Variants in POU2AF1 observed in about 807,000 individuals in gnomAD.
POU2AF1 encodes POU domain class 2-associating factor 1.
POU2AF1 carries 12 observed loss-of-function variants against 26.3 expected under a neutral mutation model. The ratio of observed to expected loss-of-function variants is 0.46; its 90% CI spans 0.29 to 0.74. The LOEUF (loss-of-function observed/expected upper bound fraction) is 0.74. POU2AF1 is among the 30% of genes least tolerant of loss of function. POU2AF1 has a pLI of 0.09. For synonymous variants in POU2AF1, 175 were observed against 148.0 expected (o/e 1.18, Z -1.32); for missense variants, 297 against 334.5 (o/e 0.89, Z 0.87).
Position 111,374,116 on chromosome 11 carries a change from ATTT to A in POU2AF1, c.16+5043_16+5045del, listed in dbSNP as rs60260380. On this transcript the variant is annotated intron_variant, in intron 1 of 4. Transcript: ENST00000393067. ...TAATGAACAGCTGTAGGCAAACTTG[ATTT>A]TTTTTTTTTTTTTTTTTGGTTCCTC... is the stretch of plus-strand genomic sequence containing the variant. 6.7e-3 allele frequency among the ~76,000 whole-genome samples: 733 copies of A among 109,650 alleles called. 11 individuals carry two copies. Among genetic ancestry groups the A allele is most frequent in the African/African-American group, 0.022 (665 of 30,676 alleles). The allele number at this position is 109,650 out of a possible 152,430, so 71.9% of individuals were successfully genotyped here. A position where few individuals can be genotyped will look rare whatever the true frequency, so the allele number is the denominator to read the frequency against.
At chr11:111,361,120 T>G (rs1860999384) in intron 1 of POU2AF1, among the ~76,000 whole-genome samples, 1 of 152,170 alleles carries the variant, frequency 6.6e-6, no homozygotes, top group Admixed American at 6.5e-5. Context: ...ATTCATTCAT[T>G]TTTTCAAATA....
At chr11:111,360,399 C>G (rs1860982974) in intron 1 of POU2AF1, among the ~76,000 whole-genome samples, 1 of 152,196 alleles carries the variant, frequency 6.6e-6, no homozygotes, top group African/African-American at 2.4e-5. Flanking sequence ...ATGCCTGACT[C>G]GGCACCAGAC....
intron 4 of POU2AF1, among the ~76,000 whole-genome samples, chr11:111,355,181 A>T (rs570480644): frequency 6.6e-6 from 1 of 152,328 alleles, no homozygotes; most frequent in Non-Finnish European, 1.5e-5. Flanking sequence ...CTGCTTTGTC[A>T]GCAAACTTGG....
intron 1 of POU2AF1, among the ~76,000 whole-genome samples, chr11:111,372,341 C>G (rs1290683294): frequency 6.6e-6 from 1 of 152,152 alleles, no homozygotes; most frequent in Non-Finnish European, 1.5e-5. Context: ...ACCTTGTTTT[C>G]TTCAACAGGT....
intron 1 of POU2AF1, among the ~76,000 whole-genome samples, chr11:111,378,573 C>A (rs899485363): frequency 2.0e-5 from 3 of 152,158 alleles, no homozygotes; most frequent in Admixed American, 1.3e-4. Context: ...GATGGACAAG[C>A]CTTGTCACAG....
chr11:111,368,129 A>C (rs1861139777), intron 1 of POU2AF1, among the ~76,000 whole-genome samples: 1 of 152,236 alleles, frequency 6.6e-6, no homozygotes, highest in Non-Finnish European at 1.5e-5. Flanking sequence ...TTAGAATTAC[A>C]AACTGTGACA....
chr11:111,377,449 T>G (rs1301406928), intron 1 of POU2AF1, among the ~76,000 whole-genome samples: 1 of 151,958 alleles, frequency 6.6e-6, no homozygotes, highest in Non-Finnish European at 1.5e-5. Flanking sequence ...AAAAATGTAC[T>G]ACAGAACCAA....
In POU2AF1 at chr11:111,358,656, ACT is replaced by A. The variant is rs561759023; in HGVS notation, c.147+130_147+131del. ...CTCTCACACTATCACACTCTCACAC[ACT>A]CTATCACACACAAACACATACACAC... On this transcript the variant is annotated intron_variant, in intron 2 of 4. Coordinates refer to ENST00000393067, the MANE Select transcript of POU2AF1 (RefSeq NM_006235.3). The A allele has an allele frequency of 4.2e-3, 4,796 of 1,132,218 alleles. 27 individuals are homozygous for A. The highest frequency in any genetic ancestry group is 8.1e-3 in the Admixed American group (397 of 48,792). The allele number at this position is 1,132,218 out of a possible 1,614,324, so 70.1% of individuals were successfully genotyped here.
rs4283016 is a variant in POU2AF1 at position 111,377,915 on chromosome 11, A to G, written c.16+1247T>C. On this transcript the variant is annotated intron_variant, in intron 1 of 4. Transcript: ENST00000393067. ...TTCCTAGTTATCTTGGAAGGAGTCC[A>G]TAACTCTCAAACCCAAATTAAAGCT... 0.53 allele frequency: 93,830 copies of G among 176,776 alleles called. 26,427 individuals carry two copies. The highest frequency in any genetic ancestry group is 0.65 in the Admixed American group (10,271 of 15,822). 11.0% of individuals were successfully genotyped at this position (176,776 alleles called of 1,614,324 possible).
chr11:111,368,481 G>A (rs1163730883), intron 1 of POU2AF1, among the ~76,000 whole-genome samples: 1 of 152,060 alleles, frequency 6.6e-6, no homozygotes, highest in African/African-American at 2.4e-5. Flanking sequence ...TTCTAAGATG[G>A]AAATCAGTAG....
intron 1 of POU2AF1, among the ~76,000 whole-genome samples, chr11:111,374,954 T>A (rs1431648285): frequency 6.6e-6 from 1 of 152,224 alleles, no homozygotes; most frequent in Non-Finnish European, 1.5e-5. Flanking sequence ...CTAGAGTACA[T>A]CTGAAGAGCA....
chr11:111,364,658 GGGCCA>G (rs1861071022), intron 1 of POU2AF1, among the ~76,000 whole-genome samples: 1 of 152,254 alleles, frequency 6.6e-6, no homozygotes, highest in South Asian at 2.1e-4. Context: ...TGAGCTGCCA[GGGCCA>G]GGCACCAGGG....
At chr11:111,357,927 G>A in intron 2 of POU2AF1, 90 bp from the exon 3 acceptor site, 1 of 1,312,812 alleles carries the variant, frequency 7.6e-7, no homozygotes, top group Non-Finnish European at 1.0e-6. Flanking sequence ...CTCAGGGCAG[G>A]AGAATAGAAG....
At chr11:111,358,736 A>G (rs1344269561) in intron 2 of POU2AF1, 52 bp downstream of exon 2, 13 of 1,531,236 alleles carry the variant, frequency 8.5e-6, no homozygotes, top group African/African-American at 1.4e-5. Context: ...CCTGACACAC[A>G]CATTCTCTTT....
chr11:111,374,245 T>C (rs1217872408), intron 1 of POU2AF1, among the ~76,000 whole-genome samples: 1 of 150,902 alleles, frequency 6.6e-6, no homozygotes, highest in East Asian at 2.0e-4. Flanking sequence ...AGTAAATAAA[T>C]ATAAGGGGCA....
chr11:111,358,293 CACAA>C (rs1273032088), intron 2 of POU2AF1, among the ~76,000 whole-genome samples: 2 of 151,980 alleles, frequency 1.3e-5, no homozygotes, highest in African/African-American at 2.4e-5. Flanking sequence ...CACATTCTCA[CACAA>C]ACACACACAC....
chr11:111,358,647 C>T lies in POU2AF1; in HGVS notation c.147+141G>A, dbSNP rs896217131. The T allele has an allele frequency of 1.9e-5, 20 of 1,069,586 alleles. No individual in the cohort carries two copies. In the African/African-American group the frequency reaches 2.0e-4, roughly 11 times the overall value. 66.3% of individuals were successfully genotyped at this position (1,069,586 alleles called of 1,614,324 possible). A position where few individuals can be genotyped will look rare whatever the true frequency, so the allele number is the denominator to read the frequency against. On this transcript the variant is annotated intron_variant, in intron 2 of 4. Coordinates refer to ENST00000393067, the MANE Select transcript of POU2AF1 (RefSeq NM_006235.3). The stretch of plus-strand genomic sequence containing the variant: ...ACACATTCTCTCTCACACTATCACA[C>T]TCTCACACACTCTATCACACACAAA...
rs1257466497 is a variant in POU2AF1 at position 111,357,591 on chromosome 11, G to A, written c.310C>T (p.Pro104Ser). The change falls in exon 4 of 5, where the codon CCT becomes TCT. Residue 104 changes from proline (P) to serine (S), a missense_variant. Physicochemically the swap from Pro to Ser is moderately conservative, Grantham distance 74 (BLOSUM62 -1). Transcript: ENST00000393067. ...TCATGGGGCACATACTCGGTGTAAG[G>A]TGTCCATGGGGCCAGGGGCTGCAGG... is the stretch of plus-strand genomic sequence containing the variant. The part of the protein sequence containing the change: ...ATLQPLAPWT[P>S]YTEYVPHEAV... 8 of 1,613,984 alleles carry A rather than the reference G, an allele frequency of 5.0e-6. No homozygotes were observed. The highest frequency in any genetic ancestry group is 1.3e-5 in the African/African-American group (1 of 74,938).
Position 111,375,076 on chromosome 11 carries a change from C to T in POU2AF1, c.16+4086G>A, listed in dbSNP as rs148765598. 2.5e-3 allele frequency among the ~76,000 whole-genome samples: 383 copies of T among 152,272 alleles called. 1 individual carries two copies. Among genetic ancestry groups the T allele is most frequent in the African/African-American group, 7.8e-3 (326 of 41,554 alleles). ...ATATCCATGACATAATAATCTGATA[C>T]GAATTATTTCCTGTTCCAAGGCCAA... On this transcript the variant is annotated intron_variant, in intron 1 of 4. Coordinates refer to ENST00000393067, the MANE Select transcript of POU2AF1 (RefSeq NM_006235.3).
Sources: allele counts gnomAD v4.1 joint callset (sites outside exome capture counted in the v4.1 genomes callset), GRCh38; gene constraint gnomAD v4.1.1; transcripts MANE v1.5; gene names NCBI Gene and HGNC (gene_info 2026-07-23, HGNC 2026-07-21).